The following SOX5 variants were observed in gnomAD, a reference collection of about 807,000 sequenced individuals.
SOX5 encodes transcription factor SOX-5.
A neutral mutation model predicts 92.0 loss-of-function variants in SOX5; 9 were observed. That is an observed-to-expected ratio of 0.10 (90% CI 0.06 to 0.17). SOX5 has a LOEUF of 0.17. SOX5 is among the 10% of genes least tolerant of loss of function. The pLI is 1.00. For synonymous variants in SOX5, 344 were observed against 336.3 expected (o/e 1.02, Z -0.25); for missense variants, 642 against 944.5 (o/e 0.68, Z 4.20).
intron 2 of SOX5, among the ~76,000 whole-genome samples, chr12:24,348,968 G>C (rs1388608810): frequency 6.6e-6 from 1 of 152,186 alleles, no homozygotes; most frequent in Non-Finnish European, 1.5e-5. Context: ...CCAGCCATGT[G>C]GAACTGTGAG....
intron 4 of SOX5, among the ~76,000 whole-genome samples, chr12:24,146,981 T>C (rs1015194987): frequency 2.0e-5 from 3 of 152,124 alleles, no homozygotes; most frequent in East Asian, 1.9e-4. Flanking sequence ...AATGGGATGA[T>C]AGTAAAAAAC....
intron 13 of SOX5, among the ~76,000 whole-genome samples, chr12:23,540,262 C>G (rs888160616): frequency 6.6e-6 from 1 of 151,332 alleles, no homozygotes; most frequent in African/African-American, 2.4e-5. Flanking sequence ...ATATACCTAA[C>G]GCTAAATGAC....
chr12:24,374,199 T>C (rs1957013959), intron 1 of SOX5, among the ~76,000 whole-genome samples: 1 of 151,984 alleles, frequency 6.6e-6, no homozygotes, highest in Admixed American at 6.6e-5. Flanking sequence ...AGGGCAGTGG[T>C]GCAGAAGCCT....
chr12:24,403,667 T>C (rs115665969), intron 1 of SOX5, among the ~76,000 whole-genome samples: 134 of 152,330 alleles, frequency 8.8e-4, no homozygotes, highest in African/African-American at 3.2e-3. Context: ...GCCAAGCTTA[T>C]TTACATGGCC....
At chr12:24,044,729 C>G (rs559755721) in intron 4 of SOX5, among the ~76,000 whole-genome samples, 8 of 152,306 alleles carry the variant, frequency 5.3e-5, no homozygotes, top group African/African-American at 1.7e-4. Context: ...TCGAACTGAA[C>G]CTAAAATGCA....
chr12:24,231,288 G>C (rs1963344603), intron 3 of SOX5, among the ~76,000 whole-genome samples: 1 of 152,132 alleles, frequency 6.6e-6, no homozygotes, highest in African/African-American at 2.4e-5. Flanking sequence ...CACATGTTTA[G>C]AATAATCAGT....
chr12:23,878,964 G>A (rs1415327533), intron 2 of SOX5, among the ~76,000 whole-genome samples: 3 of 152,116 alleles, frequency 2.0e-5, no homozygotes, highest in African/African-American at 4.8e-5. Flanking sequence ...GGGTAGTAGT[G>A]AAGTTTGCCA....
intron 4 of SOX5, among the ~76,000 whole-genome samples, chr12:24,020,231 C>T (rs1954125555): frequency 6.6e-6 from 1 of 152,070 alleles, no homozygotes; most frequent in Non-Finnish European, 1.5e-5. Flanking sequence ...ATTAACCAAC[C>T]CCTGATGCCC....
intron 1 of SOX5, among the ~76,000 whole-genome samples, chr12:24,392,423 C>T (rs966304527): frequency 3.3e-5 from 5 of 152,138 alleles, no homozygotes; most frequent in African/African-American, 1.2e-4. Flanking sequence ...CTCTAGCTTT[C>T]TTGCTGTTCC....
intron 2 of SOX5, among the ~76,000 whole-genome samples, chr12:24,359,356 C>T (rs1394717558): frequency 6.6e-6 from 1 of 152,104 alleles, no homozygotes; most frequent in Non-Finnish European, 1.5e-5. Context: ...TCCGGTCTTG[C>T]CGTTATCTGA....
At chr12:23,758,727 T>C (rs181738214) in intron 3 of SOX5, among the ~76,000 whole-genome samples, 136 of 151,982 alleles carry the variant, frequency 8.9e-4, no homozygotes, top group African/African-American at 3.2e-3. Context: ...TCCAAAAGTG[T>C]TGGGAGGTGA....
intron 4 of SOX5, among the ~76,000 whole-genome samples, chr12:24,089,452 A>C (rs1258759830): frequency 6.6e-6 from 1 of 152,180 alleles, no homozygotes; most frequent in Non-Finnish European, 1.5e-5. Context: ...TTTAGGCTTT[A>C]TATTTATACA....
chr12:24,501,237 G>A (rs572978659), intron 1 of SOX5, among the ~76,000 whole-genome samples: 1 of 152,216 alleles, frequency 6.6e-6, no homozygotes, highest in South Asian at 2.1e-4. Context: ...ATTAAGAGCA[G>A]TTTTAGCACC....
intron 3 of SOX5, among the ~76,000 whole-genome samples, chr12:23,839,152 A>G (rs1265660240): frequency 2.0e-5 from 3 of 151,818 alleles, no homozygotes; most frequent in Non-Finnish European, 2.9e-5. Context: ...CCTGGCCCCC[A>G]GTATTTCTTA....
At chr12:24,342,056 G>T (rs2141077323) in intron 2 of SOX5, among the ~76,000 whole-genome samples, 1 of 152,258 alleles carries the variant, frequency 6.6e-6, no homozygotes, top group South Asian at 2.1e-4. Context: ...TCTACAATTA[G>T]CTTAAAATCA....
chr12:24,451,217 C>T (rs986179935), intron 1 of SOX5, among the ~76,000 whole-genome samples: 16 of 152,130 alleles, frequency 1.1e-4, no homozygotes, highest in African/African-American at 3.6e-4. Flanking sequence ...TAGGTTGTTT[C>T]CAAATGTTGG....
chr12:24,033,468 T>G (rs1270561058), intron 4 of SOX5, among the ~76,000 whole-genome samples: 2 of 151,970 alleles, frequency 1.3e-5, no homozygotes, highest in East Asian at 3.9e-4. Context: ...TCTAGGCTTT[T>G]TATGAAAATT....
intron 4 of SOX5, among the ~76,000 whole-genome samples, chr12:24,117,503 G>A (rs1375668429): frequency 3.3e-5 from 5 of 152,102 alleles, no homozygotes; most frequent in African/African-American, 7.2e-5. Flanking sequence ...TATGTCAAAG[G>A]AATGTCTGCC....
intron 4 of SOX5, among the ~76,000 whole-genome samples, chr12:23,975,471 AC>A (rs2140190838): frequency 6.6e-6 from 1 of 152,228 alleles, no homozygotes; most frequent in South Asian, 2.1e-4. Context: ...GTTCTGAACT[AC>A]GGTTTGTTTT....
Sources: gnomAD v4.1 joint callset for allele counts (sites outside exome capture counted in the v4.1 genomes callset) on GRCh38, gnomAD v4.1.1 for gene constraint, MANE v1.5 for transcripts, NCBI Gene and HGNC (gene_info 2026-07-23, HGNC 2026-07-21) for gene names.